ADH1A: variants seen among roughly 807,000 people sequenced by gnomAD.
ADH1A encodes the protein alcohol dehydrogenase 1A (class I), alpha polypeptide.
A neutral mutation model predicts 35.2 loss-of-function variants in ADH1A; 29 were observed. The ratio of observed to expected loss-of-function variants is 0.82; its 90% CI spans 0.61 to 1.12. ADH1A has a LOEUF of 1.12. Ranked by LOEUF, ADH1A falls within the 50% of genes most tolerant of loss-of-function variation. ADH1A has a pLI of 0.00. For synonymous variants in ADH1A, 147 were observed against 164.8 expected (o/e 0.89, Z 0.83); for missense variants, 469 against 464.7 (o/e 1.01, Z -0.09).
chr4:99,280,100 T>G (rs745548550), intron 7 of ADH1A, 44 bp downstream of exon 7: 1 of 1,612,234 alleles, frequency 6.2e-7, no homozygotes, highest in Middle Eastern at 1.7e-4. Context: ...AGGGGAGATA[T>G]GCTGAGGTTA....
chr4:99,287,752 T>G, intron 1 of ADH1A, 87 bp from the exon 2 acceptor site: 1 of 1,433,208 alleles, frequency 7.0e-7, no homozygotes, highest in Non-Finnish European at 9.8e-7. Flanking sequence ...ACATACAACA[T>G]CTAATCCCAT....
chr4:99,279,174 GTC>G (rs1026341825), intron 8 of ADH1A, among the ~76,000 whole-genome samples: 1 of 151,648 alleles, frequency 6.6e-6, no homozygotes, highest in Non-Finnish European at 1.5e-5. Flanking sequence ...AAGGCTGAGT[GTC>G]TCTGATCATT....
At chr4:99,289,657 G>T (rs1279479572) in intron 1 of ADH1A, among the ~76,000 whole-genome samples, 1 of 152,100 alleles carries the variant, frequency 6.6e-6, no homozygotes, top group African/African-American at 2.4e-5. Flanking sequence ...TATAATGCAG[G>T]ATGTATAAAC....
rs771570339 is a variant in ADH1A at position 99,282,604 on chromosome 4, G to C, written c.570C>G (p.Val190=). Residue 190 remains valine, a splice_region_variant and synonymous_variant, in exon 6 of 9, where the codon GTC becomes GTG. Transcript: ENST00000209668. ...GYGSAVNVAK[V]TPGSTCAVFG... is the part of the protein sequence containing the mutation. ...ACACAGCACAGGTAGAGCCTGGGGT[G>C]ACCTGTGTTTTCAGAAAATGCAAAA... The C allele has an allele frequency of 6.2e-7, 1 of 1,609,368 alleles. No individual in the cohort carries two copies. Among genetic ancestry groups the C allele is most frequent in the East Asian group, 2.2e-5 (1 of 44,842 alleles).
At chr4:99,283,051 T>C (rs1733046284) in intron 5 of ADH1A, among the ~76,000 whole-genome samples, 1 of 152,106 alleles carries the variant, frequency 6.6e-6, no homozygotes, top group Non-Finnish European at 1.5e-5. Flanking sequence ...GAAAACAAAA[T>C]AAGTGGAAAA....
At chr4:99,284,866 T>C (rs1733108127) in intron 3 of ADH1A, 63 bp from the exon 4 acceptor site, 1 of 1,400,934 alleles carries the variant, frequency 7.1e-7, no homozygotes, top group Non-Finnish European at 1.0e-6. Context: ...AGCAAAAACA[T>C]AAAGCTCACA....
At position 99,287,629 on chromosome 4, in the gene ADH1A, T is replaced by A; in HGVS notation, c.55A>T (p.Lys19Ter). ...ACCTCCTCAATGGAAAAGGGTTTCTTTAACTCCCATAGCACAGCTGCTTTG... is the reference window on the plus strand; with the variant it reads ...ACCTCCTCAATGGAAAAGGGTTTCTATAACTCCCATAGCACAGCTGCTTTG... ...KCKAAVLWEL[K>*]KPFSIEEVEV... The change falls in exon 2 of 9, where the codon AAG (lysine) becomes TAG (stop). Residue 19 changes from lysine to a stop codon, truncating the protein, a stop_gained. Transcript: ENST00000209668. LOFTEE classifies it high-confidence loss of function. The A allele has an allele frequency of 6.2e-7, 1 of 1,613,994 alleles. No individual in the cohort carries two copies. Among genetic ancestry groups the A allele is most frequent in the South Asian group, 1.1e-5 (1 of 91,064 alleles).
Position 99,286,877 on chromosome 4 carries a change from C to T in ADH1A, c.232G>A (p.Gly78Arg), listed in dbSNP as rs759074518. 1 of 1,614,146 alleles carries T rather than the reference C, an allele frequency of 6.2e-7. No homozygotes were observed. Among genetic ancestry groups the T allele is most frequent in the East Asian group, 2.2e-5 (1 of 44,872 alleles). The change falls in exon 3 of 9, where the codon GGA becomes AGA. Residue 78 changes from glycine (G) to arginine (R), a missense_variant. Physicochemically the swap from Gly to Arg is moderately radical, Grantham distance 125. Transcript: ENST00000209668. ...GGTTTGACTGTAGTCACCCCTTCTC[C>T]AACACTCTCCACGATGCCGGCTGCC... is the stretch of plus-strand genomic sequence containing the variant. ...HEAAGIVESV[G>R]EGVTTVKPGD...
In ADH1A at chr4:99,287,649, G is replaced by C. The variant is rs752952324; in HGVS notation, c.35C>G (p.Ala12Gly). The change falls in exon 2 of 9, where the codon GCA becomes GGA. Residue 12 changes from alanine (A) to glycine (G), a missense_variant. Ala to Gly is a moderately conservative substitution (Grantham distance 60, BLOSUM62 0). Coordinates refer to ENST00000209668, the MANE Select transcript of ADH1A (RefSeq NM_000667.4). ...TTTCTTTAACTCCCATAGCACAGCT[G>C]CTTTGCATTTGATTACCTAGAAAAG... ...STAGKVIKCK[A>G]AVLWELKKPF... 18 of 1,613,926 alleles carry C rather than the reference G, an allele frequency of 1.1e-5. No homozygotes were observed. The highest frequency in any genetic ancestry group is 1.4e-5 in the Non-Finnish European group (17 of 1,179,902).
At chr4:99,284,048 G>A (rs1579491900) in intron 5 of ADH1A, among the ~76,000 whole-genome samples, 1 of 152,134 alleles carries the variant, frequency 6.6e-6, no homozygotes, top group Non-Finnish European at 1.5e-5. Context: ...TGCTGTCAGA[G>A]CCTAGCAGAA....
chr4:99,284,093 A>C (rs1733074762), intron 5 of ADH1A, among the ~76,000 whole-genome samples: 1 of 152,158 alleles, frequency 6.6e-6, no homozygotes, highest in Non-Finnish European at 1.5e-5. Flanking sequence ...GGTGCTCTCT[A>C]ATTGTAGAAT....
At chr4:99,282,694 T>C in intron 5 of ADH1A, 88 bp from the exon 6 acceptor site, 1 of 1,525,620 alleles carries the variant, frequency 6.6e-7, no homozygotes, top group African/African-American at 1.4e-5. Flanking sequence ...CAAACTCTTC[T>C]GTTCAATCTG....
chr4:99,287,166 C>T (rs1733173015), intron 2 of ADH1A, 178 bp from the exon 3 acceptor site: 13 of 711,868 alleles, frequency 1.8e-5, no homozygotes, highest in Non-Finnish European at 2.7e-5. Flanking sequence ...AAACCCTCCT[C>T]TACCTTCCAT....
rs200377790 is a variant in ADH1A, at chr4:99,287,689, G to A, written c.19-24C>T. On this transcript the variant is annotated intron_variant, in intron 1 of 8. Coordinates refer to ENST00000209668, the MANE Select transcript of ADH1A (RefSeq NM_000667.4). The stretch of plus-strand genomic sequence containing the variant: ...ACCTAGAAAAGCAAACAGAGAGATG[G>A]CACCAGTGTTCTCCCACGCTTGCAG... 1.2e-4 allele frequency: 201 copies of A among 1,611,924 alleles called. No individual in the cohort carries two copies. In the African/African-American group the frequency reaches 2.2e-3, roughly 18 times the overall value.
chr4:99,277,896 A>G (rs1732908208), intron 8 of ADH1A, among the ~76,000 whole-genome samples: 1 of 152,110 alleles, frequency 6.6e-6, no homozygotes. Flanking sequence ...TCTGTAGAAT[A>G]GATTTCTAGA....
intron 7 of ADH1A, 118 bp from the exon 8 acceptor site, chr4:99,279,682 G>A: frequency 7.9e-7 from 1 of 1,270,994 alleles, no homozygotes; most frequent in Non-Finnish European, 1.1e-6. Flanking sequence ...TGCAACGACT[G>A]AGGTTAATAA....
chr4:99,276,842 T>G (rs1343556449), intron 8 of ADH1A, among the ~76,000 whole-genome samples, 194 bp from the exon 9 acceptor site: 1 of 152,160 alleles, frequency 6.6e-6, no homozygotes, highest in South Asian at 2.1e-4. Context: ...TTCTTCAACT[T>G]TAAGCTCACT....
chr4:99,288,161 TTCTC>T (rs1220514408), intron 1 of ADH1A, among the ~76,000 whole-genome samples: 3 of 152,186 alleles, frequency 2.0e-5, no homozygotes, highest in Non-Finnish European at 4.4e-5. Flanking sequence ...TGACATCTCT[TTCTC>T]TCTCTTTTCC....
At chr4:99,278,475 C>G (rs372945195) in intron 8 of ADH1A, 1 of 152,140 alleles carries the variant, frequency 6.6e-6, no homozygotes, top group Non-Finnish European at 1.5e-5. Context: ...AGACTGACAC[C>G]GAGCATTGCC....
Sources: gnomAD v4.1 joint callset for allele counts (sites outside exome capture counted in the v4.1 genomes callset) on GRCh38, gnomAD v4.1.1 for gene constraint, MANE v1.5 for transcripts, NCBI Gene and HGNC (gene_info 2026-07-23, HGNC 2026-07-21) for gene names.